Variants in RNF157 observed in about 807,000 individuals in gnomAD.
RNF157 encodes the protein E3 ubiquitin ligase RNF157.
A neutral mutation model predicts 88.3 loss-of-function variants in RNF157; 55 were observed. The ratio of observed to expected loss-of-function variants is 0.62; its 90% CI spans 0.50 to 0.78. The LOEUF is 0.78. Ranked by LOEUF, RNF157 falls within the 30% of genes least tolerant of loss-of-function variation. The pLI is 0.00. For synonymous variants in RNF157, 334 were observed against 341.2 expected (o/e 0.98, Z 0.23); for missense variants, 788 against 860.8 (o/e 0.92, Z 1.06).
At chr17:76,184,394 T>C (rs2069247401) in intron 2 of RNF157, among the ~76,000 whole-genome samples, 1 of 152,192 alleles carries the variant, frequency 6.6e-6, no homozygotes, top group Admixed American at 6.5e-5. Context: ...CTGGTTATTT[T>C]CCCAGCTTTC....
chr17:76,210,307 G>A (rs577585506), intron 2 of RNF157, among the ~76,000 whole-genome samples: 51 of 152,098 alleles, frequency 3.4e-4, no homozygotes, highest in Admixed American at 1.3e-3. Flanking sequence ...GAAAGGAAGA[G>A]AACCCGCCGG....
chr17:76,172,820 A>T lies in RNF157; in HGVS notation c.296+882T>A, dbSNP rs140504201. 9.1e-4 allele frequency among the ~76,000 whole-genome samples: 139 copies of T among 152,140 alleles called. 1 individual carries two copies. Among genetic ancestry groups the T allele is most frequent in the African/African-American group, 3.2e-3 (131 of 41,502 alleles). On this transcript the variant is annotated intron_variant, in intron 3 of 18. Transcript: ENST00000269391. Reference sequence around the variant, plus strand: ...AGAGAATCAGACAGCCTTGGTAGACATATCATCTAGGGGTGGCGGGCAGTG... The same window carrying T: ...AGAGAATCAGACAGCCTTGGTAGACTTATCATCTAGGGGTGGCGGGCAGTG...
Position 76,161,896 on chromosome 17 carries a change from G to A in RNF157, c.899C>T (p.Thr300Ile). Residue 300 changes from threonine to isoleucine, a missense_variant, in exon 10 of 19, where the codon ACC (threonine) becomes ATC (isoleucine). Coordinates refer to ENST00000269391, the MANE Select transcript of RNF157 (RefSeq NM_052916.3). This position sits in a 1 kb window ranked among gnomAD's most constrained non-coding sequence, Gnocchi z 4.6. The part of the protein sequence containing the change: ...LPCRHLCLCN[T>I]CADTLRYQAN... ...CTGGTAGCGCAGCGTGTCTGCACAG[G>A]TGTTACAGAGGCAGAGGTGGCGACA... 1 of 1,614,224 alleles carries A rather than the reference G, an allele frequency of 6.2e-7. No homozygotes were observed. Among genetic ancestry groups the A allele is most frequent in the Non-Finnish European group, 8.5e-7 (1 of 1,180,052 alleles).
intron 1 of RNF157, among the ~76,000 whole-genome samples, chr17:76,212,953 G>A (rs1487026264): frequency 6.6e-6 from 1 of 152,150 alleles, no homozygotes; most frequent in African/African-American, 2.4e-5. Flanking sequence ...TTGGGACAAT[G>A]GCACAAAATA....
intron 2 of RNF157, among the ~76,000 whole-genome samples, chr17:76,211,083 G>T (rs967044847): frequency 6.6e-6 from 1 of 152,242 alleles, no homozygotes; most frequent in Admixed American, 6.5e-5. Flanking sequence ...GGGATTACAG[G>T]TGTTGGCCAC....
chr17:76,155,264 C>T lies in RNF157; in HGVS notation c.1752G>A (p.Glu584=), dbSNP rs2068744874. 6.2e-7 allele frequency: 1 copy of T among 1,614,170 alleles called. No homozygotes were observed. The highest frequency in any genetic ancestry group is 8.5e-7 in the Non-Finnish European group (1 of 1,179,974). The change falls in exon 16 of 19, where the codon GAG becomes GAA. Residue 584 remains glutamate, a synonymous_variant. Coordinates refer to ENST00000269391, the MANE Select transcript of RNF157 (RefSeq NM_052916.3). ...DSNFAGLPAG[E]QDAEGNDVIE... is the part of the protein sequence containing the mutation. ...CTGTTGGGGTTACCTCTGCATCCTG[C>T]TCTCCAGCTGGGAGGCCAGCAAAGT...
intron 1 of RNF157, among the ~76,000 whole-genome samples, chr17:76,223,936 A>C (rs2070032834): frequency 6.6e-6 from 1 of 152,216 alleles, no homozygotes; most frequent in Non-Finnish European, 1.5e-5. Flanking sequence ...ATAATAACAC[A>C]GGGCAAGGCC....
chr17:76,213,592 T>C (rs2069839555), intron 1 of RNF157, among the ~76,000 whole-genome samples: 1 of 149,060 alleles, frequency 6.7e-6, no homozygotes, highest in African/African-American at 2.5e-5. Flanking sequence ...AAAAAATGCT[T>C]GGAATATCCA....
chr17:76,197,767 G>A (rs1423847475), intron 2 of RNF157, among the ~76,000 whole-genome samples: 3 of 152,084 alleles, frequency 2.0e-5, no homozygotes, highest in Non-Finnish European at 4.4e-5. Context: ...TTTCCTGCAG[G>A]CACAAGACCT....
chr17:76,147,821 A>G (rs1043481808), intron 18 of RNF157, among the ~76,000 whole-genome samples: 2 of 152,206 alleles, frequency 1.3e-5, no homozygotes, highest in Admixed American at 1.3e-4. Context: ...CAAAAAATGG[A>G]GCACAGAGAT....
In RNF157 at chr17:76,157,444, C is replaced by T. The variant is rs560918252; in HGVS notation, c.1413+949G>A. On this transcript the variant is annotated intron_variant, in intron 13 of 18. Coordinates refer to ENST00000269391, the MANE Select transcript of RNF157 (RefSeq NM_052916.3). This position sits in a 1 kb window ranked among gnomAD's most constrained non-coding sequence, Gnocchi z 5.6. Reference sequence around the variant, plus strand: ...TCTGTGCCTTTGCATGCATCGTCTTCTCCACATGGATGTTTCTCTCACCTC... The same window carrying T: ...TCTGTGCCTTTGCATGCATCGTCTTTTCCACATGGATGTTTCTCTCACCTC... Among the ~76,000 whole-genome samples, 1 of 152,338 alleles carries T rather than the reference C, an allele frequency of 6.6e-6. No homozygotes were observed. The highest frequency in any genetic ancestry group is 1.9e-4 in the East Asian group (1 of 5,174).
chr17:76,220,335 GATA>G (rs770946469), intron 1 of RNF157, among the ~76,000 whole-genome samples: 5 of 148,756 alleles, frequency 3.4e-5, no homozygotes, highest in South Asian at 2.1e-4. Flanking sequence ...GCTTCATCAG[GATA>G]ATAAGGGCAA....
intron 9 of RNF157, chr17:76,162,254 C>T: frequency 1.7e-6 from 1 of 576,368 alleles, no homozygotes; most frequent in Non-Finnish European, 3.1e-6. Flanking sequence ...AGCTGGGCCT[C>T]TCAAATCTCA....
intron 2 of RNF157, chr17:76,212,147 T>C: frequency 2.1e-6 from 1 of 469,216 alleles, no homozygotes; most frequent in Non-Finnish European, 3.8e-6. Flanking sequence ...TTTGTGAGAC[T>C]CATCCTCTCC....
At chr17:76,211,232 T>C (rs2145022007) in intron 2 of RNF157, among the ~76,000 whole-genome samples, 1 of 152,356 alleles carries the variant, frequency 6.6e-6, no homozygotes, top group East Asian at 1.9e-4. Context: ...CAGTAAATGT[T>C]TGCCAATTCA....
At chr17:76,221,977 CAG>C (rs1224639318) in intron 1 of RNF157, among the ~76,000 whole-genome samples, 1 of 152,042 alleles carries the variant, frequency 6.6e-6, no homozygotes, top group African/African-American at 2.4e-5. Flanking sequence ...GGTAAATCCA[CAG>C]AGAGAGTAGA....
Position 76,142,521 on chromosome 17 carries a change from C to T in RNF157, c.*2714G>A, listed in dbSNP as rs906438203. The T allele has an allele frequency of 6.6e-6, 1 of 152,240 alleles. No homozygotes were observed. The highest frequency in any genetic ancestry group is 2.4e-5 in the African/African-American group (1 of 41,452). The allele number at this position is 152,240 out of a possible 1,614,324, so 9.4% of individuals were successfully genotyped here. On this transcript the variant is annotated 3_prime_UTR_variant, in exon 19 of 19. Coordinates refer to ENST00000269391, the MANE Select transcript of RNF157 (RefSeq NM_052916.3). ...CATTTTTAAGAATCATGCAGCAATC[C>T]ATAAATATTGCATTCTTGATGTCCC... is the stretch of plus-strand genomic sequence containing the variant.
intron 5 of RNF157, 63 bp from the exon 6 acceptor site, chr17:76,166,590 A>C: frequency 1.5e-6 from 2 of 1,325,600 alleles, no homozygotes; most frequent in South Asian, 1.2e-5. Context: ...TGGCACAGCT[A>C]ATCTCAGAAA....
intron 2 of RNF157, among the ~76,000 whole-genome samples, chr17:76,192,701 A>T (rs1180806904): frequency 6.6e-6 from 1 of 152,206 alleles, no homozygotes; most frequent in Non-Finnish European, 1.5e-5. Flanking sequence ...AGTAAGCTTG[A>T]CTAGCAGCTG....
Sources: gnomAD v4.1 joint callset for allele counts (sites outside exome capture counted in the v4.1 genomes callset) on GRCh38, gnomAD v4.1.1 for gene constraint, Gnocchi (gnomAD v3.1) non-coding constraint, MANE v1.5 for transcripts, NCBI Gene and HGNC (gene_info 2026-07-23, HGNC 2026-07-21) for gene names.